The following IGSF21 variants were observed in gnomAD, a reference collection of about 807,000 sequenced individuals.
IGSF21 encodes the protein immunoglobulin superfamily member 21.
In IGSF21, 28 loss-of-function variants were observed where a neutral mutation model predicts 46.8. That is an observed-to-expected ratio of 0.60 (90% CI 0.44 to 0.82). IGSF21 has a LOEUF of 0.82. Among genes scored for constraint, IGSF21 ranks in the 40% least tolerant of loss-of-function variants. The pLI is 0.00. For synonymous variants in IGSF21, 284 were observed against 273.6 expected (o/e 1.04, Z -0.38); for missense variants, 624 against 665.5 (o/e 0.94, Z 0.69).
At position 18,143,250 on chromosome 1, in the gene IGSF21, G is replaced by T. The variant is rs142155661; in HGVS notation, c.70+35052G>T. 4.0e-3 allele frequency among the ~76,000 whole-genome samples: 616 copies of T among 152,286 alleles called. 4 individuals are homozygous for T. The highest frequency in any genetic ancestry group is 0.014 in the African/African-American group (589 of 41,566). The stretch of plus-strand genomic sequence containing the variant: ...GCCCTTCTGTCGGGCCTGGGCTCAG[G>T]ATGCGGAGCTTCAGGACTTCTGTGT... On this transcript the variant is annotated intron_variant, in intron 1 of 9. Transcript: ENST00000251296.
intron 1 of IGSF21, among the ~76,000 whole-genome samples, chr1:18,151,979 C>T (rs2086525512): frequency 6.6e-6 from 1 of 152,164 alleles, no homozygotes; most frequent in African/African-American, 2.4e-5. Context: ...CTACTCATCA[C>T]TCTGCATCCT....
chr1:18,348,089 G>A (rs1346405325), intron 4 of IGSF21, among the ~76,000 whole-genome samples: 1 of 152,316 alleles, frequency 6.6e-6, no homozygotes, highest in African/African-American at 2.4e-5. Context: ...CTTAGGAGAT[G>A]GGTATTTCTA....
intron 2 of IGSF21, among the ~76,000 whole-genome samples, chr1:18,271,319 T>C (rs2085040623): frequency 6.6e-6 from 1 of 152,152 alleles, no homozygotes; most frequent in Admixed American, 6.6e-5. Flanking sequence ...TCATGGGTGA[T>C]GTAGAATTAA....
At chr1:18,214,142 T>G (rs1250772476) in intron 1 of IGSF21, among the ~76,000 whole-genome samples, 1 of 152,250 alleles carries the variant, frequency 6.6e-6, no homozygotes, top group African/African-American at 2.4e-5. Context: ...ACATACATCA[T>G]GAATAATACA....
chr1:18,155,583 AG>A (rs2086561182), intron 1 of IGSF21, among the ~76,000 whole-genome samples: 1 of 152,244 alleles, frequency 6.6e-6, no homozygotes, highest in Non-Finnish European at 1.5e-5. Flanking sequence ...CACAGCATGC[AG>A]GGCCCCGGGT....
At chr1:18,274,274 CT>C (rs34568794) in intron 2 of IGSF21, among the ~76,000 whole-genome samples, 36,652 of 152,102 alleles carry the variant, frequency 0.24, 4,839 homozygotes, top group African/African-American at 0.35. Flanking sequence ...GACCTTGTGC[CT>C]TATCACAAAG....
At chr1:18,293,998 T>C (rs932193887) in intron 3 of IGSF21, among the ~76,000 whole-genome samples, 2 of 152,230 alleles carry the variant, frequency 1.3e-5, no homozygotes, top group African/African-American at 4.8e-5. Context: ...CTGTATGACC[T>C]GGGATGAGAG....
At chr1:18,160,163 A>G (rs965589239) in intron 1 of IGSF21, among the ~76,000 whole-genome samples, 4 of 152,202 alleles carry the variant, frequency 2.6e-5, no homozygotes, top group Admixed American at 2.0e-4. Context: ...AAGGAAAAAC[A>G]GTCACTTCTC....
intron 3 of IGSF21, among the ~76,000 whole-genome samples, chr1:18,307,081 G>A (rs1029319966): frequency 1.3e-5 from 2 of 152,160 alleles, no homozygotes; most frequent in African/African-American, 4.8e-5. Flanking sequence ...GGAGAGGTTT[G>A]GGGAGGCTCA....
intron 3 of IGSF21, among the ~76,000 whole-genome samples, chr1:18,311,500 A>G (rs960727755): frequency 1.3e-5 from 2 of 152,190 alleles, no homozygotes; most frequent in Non-Finnish European, 2.9e-5. Flanking sequence ...CTTTGAAACC[A>G]TGTGAACAAG....
At chr1:18,292,029 G>A (rs769160914) in intron 3 of IGSF21, 42 bp downstream of exon 3, 10 of 1,592,204 alleles carry the variant, frequency 6.3e-6, no homozygotes, top group African/African-American at 2.7e-5. Flanking sequence ...GGGGAAGGGC[G>A]GAGGGATGGG....
intron 2 of IGSF21, among the ~76,000 whole-genome samples, chr1:18,266,416 A>C (rs1346743655): frequency 2.0e-5 from 3 of 152,216 alleles, no homozygotes; most frequent in East Asian, 3.8e-4. Context: ...GTACAACAAT[A>C]GGCACTTTTT....
At chr1:18,243,990 C>T (rs2084759119) in intron 2 of IGSF21, among the ~76,000 whole-genome samples, 2 of 152,160 alleles carry the variant, frequency 1.3e-5, no homozygotes, top group South Asian at 4.1e-4. Context: ...CGTGGAGGGC[C>T]ATGACAGCAA....
chr1:18,340,792 C>T (rs1035107601), intron 4 of IGSF21, among the ~76,000 whole-genome samples: 5 of 152,118 alleles, frequency 3.3e-5, no homozygotes, highest in Non-Finnish European at 7.4e-5. Context: ...CTTATAGATG[C>T]ATCACACCGA....
chr1:18,198,343 A>G (rs1201199619), intron 1 of IGSF21, among the ~76,000 whole-genome samples: 1 of 152,076 alleles, frequency 6.6e-6, no homozygotes, highest in Non-Finnish European at 1.5e-5. Context: ...TCTCTTCCTG[A>G]GATGCCATTT....
intron 1 of IGSF21, among the ~76,000 whole-genome samples, chr1:18,137,587 G>C (rs76995733): frequency 6.6e-6 from 1 of 152,260 alleles, no homozygotes; most frequent in East Asian, 1.9e-4. Flanking sequence ...AAACTCCAAA[G>C]TCCCTCCTTT....
chr1:18,341,014 C>CTTCTTT (rs2085831160), intron 4 of IGSF21, among the ~76,000 whole-genome samples: 1 of 61,030 alleles, frequency 1.6e-5, no homozygotes, highest in Admixed American at 1.6e-4. Context: ...TCCTTCTTCT[C>CTTCTTT]TTCTTCTTCT....
intron 2 of IGSF21, among the ~76,000 whole-genome samples, chr1:18,282,258 C>A (rs1238117379): frequency 6.6e-6 from 1 of 152,134 alleles, no homozygotes; most frequent in Non-Finnish European, 1.5e-5. Context: ...ATAAGGACTG[C>A]ATTCAGAAGT....
intron 1 of IGSF21, among the ~76,000 whole-genome samples, chr1:18,162,359 T>A (rs1333242361): frequency 6.6e-6 from 1 of 152,212 alleles, no homozygotes; most frequent in Non-Finnish European, 1.5e-5. Context: ...ATTTGCCATT[T>A]TTCTACTTTA....
Sources: gnomAD v4.1 joint callset for allele counts (sites outside exome capture counted in the v4.1 genomes callset) on GRCh38, gnomAD v4.1.1 for gene constraint, MANE v1.5 for transcripts, NCBI Gene and HGNC (gene_info 2026-07-23, HGNC 2026-07-21) for gene names.